The following NTN1 variants were observed in gnomAD, a reference collection of about 807,000 sequenced individuals.
NTN1 encodes netrin 1, also known as netrin-1.
In NTN1, 11 loss-of-function variants were observed where a neutral mutation model predicts 54.2. The observed-to-expected ratio is 0.20, with a 90% CI of 0.13 to 0.34. The LOEUF is 0.34. Ranked by LOEUF, NTN1 falls within the 10% of genes least tolerant of loss-of-function variation. The pLI, the probability that NTN1 is intolerant of heterozygous loss-of-function variation, is 1.00. For missense variants in NTN1, 740 were observed against 893.1 expected (o/e 0.83, Z 2.18); for synonymous variants, 371 against 382.0 (o/e 0.97, Z 0.33).
intron 2 of NTN1, among the ~76,000 whole-genome samples, chr17:9,127,102 T>C (rs1184226797): frequency 6.6e-6 from 1 of 151,638 alleles, no homozygotes; most frequent in East Asian, 1.9e-4. Context: ...GTTAGGATTT[T>C]ATTCCAGGTG....
At chr17:9,229,191 T>C (rs574540742) in intron 6 of NTN1, among the ~76,000 whole-genome samples, 1 of 151,844 alleles carries the variant, frequency 6.6e-6, no homozygotes, top group Non-Finnish European at 1.5e-5. Flanking sequence ...TGTGCTCTCT[T>C]GGGGGTCCGT....
intron 2 of NTN1, among the ~76,000 whole-genome samples, chr17:9,145,367 C>T (rs777024457): frequency 2.0e-5 from 3 of 152,174 alleles, no homozygotes; most frequent in Admixed American, 1.3e-4. Context: ...TGTCATAAAA[C>T]AACGCCACCG....
chr17:9,096,279 A>G (rs992796741), intron 2 of NTN1, among the ~76,000 whole-genome samples: 3 of 150,904 alleles, frequency 2.0e-5, no homozygotes, highest in Admixed American at 1.3e-4. Context: ...CTATTGGTAT[A>G]TATGAAAGAA....
intron 6 of NTN1, among the ~76,000 whole-genome samples, chr17:9,223,219 G>A (rs535239718): frequency 3.9e-5 from 6 of 152,308 alleles, no homozygotes; most frequent in South Asian, 2.1e-4. Flanking sequence ...AAGGAAGTGC[G>A]TCTCCAAGCC....
chr17:9,169,953 C>T (rs1420506964), intron 3 of NTN1, among the ~76,000 whole-genome samples: 1 of 152,190 alleles, frequency 6.6e-6, no homozygotes, highest in Non-Finnish European at 1.5e-5. Flanking sequence ...TTGAGCTCCC[C>T]AAGTTAACGG....
At chr17:9,156,568 G>C (rs2092342874) in intron 2 of NTN1, among the ~76,000 whole-genome samples, 1 of 152,142 alleles carries the variant, frequency 6.6e-6, no homozygotes, top group Non-Finnish European at 1.5e-5. Context: ...AGTTCGCCAG[G>C]GTCTTTTGGG....
intron 2 of NTN1, among the ~76,000 whole-genome samples, chr17:9,128,634 T>C (rs952011354): frequency 3.3e-5 from 5 of 152,166 alleles, no homozygotes; most frequent in Non-Finnish European, 5.9e-5. Flanking sequence ...TCGTTTTCCT[T>C]GGATTCAAAC....
chr17:9,167,342 G>C (rs1013868579), intron 3 of NTN1, among the ~76,000 whole-genome samples: 1 of 152,160 alleles, frequency 6.6e-6, no homozygotes, highest in African/African-American at 2.4e-5. Context: ...CAAAGACGAC[G>C]TTGCTATTTA....
chr17:9,120,732 C>A (rs1357269946), intron 2 of NTN1, among the ~76,000 whole-genome samples: 4 of 152,130 alleles, frequency 2.6e-5, no homozygotes, highest in Admixed American at 6.5e-5. Context: ...CCCAGGGAGT[C>A]CCCCCAGCCC....
intron 5 of NTN1, among the ~76,000 whole-genome samples, chr17:9,190,076 G>A (rs982626808): frequency 7.2e-5 from 11 of 152,158 alleles, no homozygotes; most frequent in African/African-American, 2.2e-4. Context: ...AACAATTAAC[G>A]TACAAAGGTC....
At chr17:9,189,316 T>C (rs1275683519) in intron 5 of NTN1, among the ~76,000 whole-genome samples, 2 of 152,184 alleles carry the variant, frequency 1.3e-5, no homozygotes, top group Non-Finnish European at 2.9e-5. Context: ...AGTCTGTGAG[T>C]GCTGTTGGCC....
intron 2 of NTN1, among the ~76,000 whole-genome samples, chr17:9,161,532 CA>C (rs1488996247): frequency 6.6e-6 from 1 of 152,150 alleles, no homozygotes; most frequent in African/African-American, 2.4e-5. Flanking sequence ...ATCATCCCAG[CA>C]CTTTGGGAGG....
chr17:9,092,681 T>C (rs1193308305), intron 2 of NTN1, among the ~76,000 whole-genome samples: 2 of 151,778 alleles, frequency 1.3e-5, no homozygotes, highest in Non-Finnish European at 2.9e-5. Flanking sequence ...GCAACCTTTG[T>C]GTCCTGGGTT....
chr17:9,188,522 A>AG (rs1904353214), intron 5 of NTN1, among the ~76,000 whole-genome samples: 2 of 146,210 alleles, frequency 1.4e-5, no homozygotes, highest in South Asian at 4.3e-4. Context: ...TCAGAGTCCA[A>AG]GGGTGAAGTG....
chr17:9,192,948 C>T (rs1241965651), intron 5 of NTN1, among the ~76,000 whole-genome samples: 1 of 152,022 alleles, frequency 6.6e-6, no homozygotes, highest in Non-Finnish European at 1.5e-5. Flanking sequence ...GGCATGGTGG[C>T]ACGCGCCTGT....
intron 2 of NTN1, among the ~76,000 whole-genome samples, chr17:9,060,087 G>T (rs760765664): frequency 1.3e-5 from 2 of 152,060 alleles, no homozygotes; most frequent in Non-Finnish European, 2.9e-5. Context: ...AATGATAAGC[G>T]TACAGTTGGC....
intron 2 of NTN1, among the ~76,000 whole-genome samples, chr17:9,139,084 G>A (rs1056424122): frequency 1.3e-5 from 2 of 152,162 alleles, no homozygotes; most frequent in Non-Finnish European, 2.9e-5. Context: ...GGGGGACAGG[G>A]ACTAAGTAGG....
intron 6 of NTN1, among the ~76,000 whole-genome samples, chr17:9,224,000 T>TAA (rs1905452419): frequency 6.6e-6 from 1 of 151,814 alleles, no homozygotes; most frequent in Non-Finnish European, 1.5e-5. Context: ...AGCTACACTG[T>TAA]GGAGAGGCAG....
chr17:9,134,996 T>A (rs1483503123), intron 2 of NTN1, among the ~76,000 whole-genome samples: 1 of 152,264 alleles, frequency 6.6e-6, no homozygotes, highest in East Asian at 1.9e-4. Context: ...GCCTCCTGAA[T>A]GGACACCCCC....
Sources: allele counts gnomAD v4.1 joint callset (sites outside exome capture counted in the v4.1 genomes callset), GRCh38; gene constraint gnomAD v4.1.1; transcripts MANE v1.5; gene names NCBI Gene and HGNC (gene_info 2026-07-23, HGNC 2026-07-21).